The following DAB2IP variants were observed in gnomAD, a reference collection of about 807,000 sequenced individuals.
The protein encoded by DAB2IP is disabled homolog 2-interacting protein.
Under a neutral mutation model 107.2 loss-of-function variants are expected in DAB2IP, and 28 were observed. The ratio of observed to expected loss-of-function variants is 0.26; its 90% confidence interval spans 0.19 to 0.36. The LOEUF (loss-of-function observed/expected upper bound fraction) is 0.36, where lower values mean the gene tolerates loss of function less well. DAB2IP is among the 10% of genes least tolerant of loss of function. DAB2IP has a pLI of 1.00. For synonymous variants in DAB2IP, 755 were observed against 706.4 expected (o/e 1.07, Z -1.09); for missense variants, 1,400 against 1,644.7 (o/e 0.85, Z 2.57).
Position 121,782,854 on chromosome 9 carries a change from C to T in DAB2IP, c.*356C>T. 9.3e-7 allele frequency: 1 copy of T among 1,073,614 alleles called. No individual in the cohort carries two copies. Among genetic ancestry groups the T allele is most frequent in the Non-Finnish European group, 1.1e-6 (1 of 885,650 alleles). 66.5% of individuals were successfully genotyped at this position (1,073,614 alleles called of 1,614,324 possible). On this transcript the variant is annotated 3_prime_UTR_variant, in exon 16 of 16. Coordinates refer to ENST00000408936, the Ensembl canonical transcript of DAB2IP. The surrounding 1 kb of genome is among the most constrained non-coding windows in gnomAD (Gnocchi z 6.1). Reference sequence around the variant, plus strand: ...GGCCGAGTGCATGTGTCCCCCCACACCTGTGCCAGGGAGGGGGCTTCCTGG... The same window carrying T: ...GGCCGAGTGCATGTGTCCCCCCACATCTGTGCCAGGGAGGGGGCTTCCTGG...
chr9:121,783,850 C>G, exon 16 of DAB2IP: 1 of 480,364 alleles, frequency 2.1e-6, no homozygotes, highest in Non-Finnish European at 3.8e-6. Context: ...TGAGCAGGAG[C>G]TTGGGTCTCT....
chr9:121,774,277 C>T (rs1288971295), exon 13 of DAB2IP: 3 of 1,612,014 alleles, frequency 1.9e-6, no homozygotes, highest in East Asian at 2.2e-5. Context: ...CACCTGTGAG[C>T]CCCAATGCCC....
chr9:121,755,782 A>G (rs1396439042), intron 3 of DAB2IP, among the ~76,000 whole-genome samples: 1 of 152,068 alleles, frequency 6.6e-6, no homozygotes, highest in Admixed American at 6.5e-5. Flanking sequence ...CGCAGAAATG[A>G]GTGTACAGGG....
At chr9:121,617,030 G>A (rs920820791) in intron 1 of DAB2IP, among the ~76,000 whole-genome samples, 1 of 152,260 alleles carries the variant, frequency 6.6e-6, no homozygotes, top group East Asian at 1.9e-4. Flanking sequence ...TATCTGTTCC[G>A]TGAATAAAAA....
rs375781647 is a variant in DAB2IP at position 121,759,872 on chromosome 9, C to T, written c.616-13C>T. 212 of 1,605,368 alleles carry T rather than the reference C, an allele frequency of 1.3e-4. No individual in the cohort carries two copies. The highest frequency in any genetic ancestry group is 1.7e-4 in the Non-Finnish European group (199 of 1,174,964). ...CCCCCAGCTGACCACCCTGGACCCC[C>T]GTGCACATACAGGACAACAGCCGGC... On this transcript the variant is annotated splice_polypyrimidine_tract_variant and intron_variant, in intron 5 of 15. Coordinates refer to ENST00000408936, the Ensembl canonical transcript of DAB2IP.
intron 1 of DAB2IP, among the ~76,000 whole-genome samples, chr9:121,598,050 T>A (rs2118944990): frequency 6.6e-6 from 1 of 152,322 alleles, no homozygotes; most frequent in East Asian, 1.9e-4. Context: ...GGCATCAGCA[T>A]CAAGTCGCGC....
At chr9:121,708,216 G>C (rs1283859187) in intron 3 of DAB2IP, among the ~76,000 whole-genome samples, 1 of 152,114 alleles carries the variant, frequency 6.6e-6, no homozygotes, top group Non-Finnish European at 1.5e-5. Flanking sequence ...AGGGCTTTTT[G>C]TTTCCCATTT....
intron 1 of DAB2IP, among the ~76,000 whole-genome samples, chr9:121,657,103 C>T (rs946464429): frequency 3.3e-5 from 5 of 152,342 alleles, no homozygotes; most frequent in South Asian, 4.1e-4. Context: ...GGGACCTCCC[C>T]GGCCTGCCCC....
At chr9:121,784,061 G>C (rs571412712) in exon 16 of DAB2IP, 1 of 171,020 alleles carries the variant, frequency 5.8e-6, no homozygotes, top group East Asian at 1.5e-4. Flanking sequence ...GCCATACTGC[G>C]TCCACCCTGA....
chr9:121,725,707 G>A (rs1442652207), intron 3 of DAB2IP, among the ~76,000 whole-genome samples: 5 of 152,198 alleles, frequency 3.3e-5, no homozygotes, highest in Non-Finnish European at 7.3e-5. Context: ...CAGGGTGAAG[G>A]TGAAGGTTCC....
intron 3 of DAB2IP, among the ~76,000 whole-genome samples, chr9:121,731,083 C>T (rs1444849249): frequency 6.6e-6 from 1 of 152,216 alleles, no homozygotes; most frequent in Non-Finnish European, 1.5e-5. Context: ...TGGTCCAGGC[C>T]CTGCCCTGGA....
intron 1 of DAB2IP, among the ~76,000 whole-genome samples, chr9:121,673,630 G>A (rs1319426193): frequency 2.6e-5 from 4 of 152,164 alleles, no homozygotes; most frequent in Admixed American, 6.5e-5. Flanking sequence ...TGTCTAAGAA[G>A]ACTTTTAAGG....
chr9:121,735,468 T>C (rs990897397), intron 3 of DAB2IP, among the ~76,000 whole-genome samples: 4 of 152,198 alleles, frequency 2.6e-5, no homozygotes, highest in Non-Finnish European at 5.9e-5. Context: ...TCAGTAGTTG[T>C]TTGCTAAAAC....
chr9:121,653,473 T>A (rs1832845610), intron 1 of DAB2IP, among the ~76,000 whole-genome samples: 1 of 152,148 alleles, frequency 6.6e-6, no homozygotes, highest in Admixed American at 6.5e-5. Context: ...TTTGGGCAAG[T>A]CATTTCCCCT....
chr9:121,572,097 G>A (rs1475056654), intron 1 of DAB2IP, among the ~76,000 whole-genome samples: 2 of 152,132 alleles, frequency 1.3e-5, no homozygotes, highest in Non-Finnish European at 2.9e-5. Flanking sequence ...AAAGAAGGGG[G>A]CAAGACAGAG....
exon 7 of DAB2IP, chr9:121,763,515 C>T (rs1421871943): frequency 6.2e-7 from 1 of 1,612,800 alleles, no homozygotes; most frequent in South Asian, 1.1e-5. Context: ...GACTTCCTGA[C>T]AGACCTGATG....
At position 121,781,542 on chromosome 9, in the gene DAB2IP, T is replaced by C; in HGVS notation, c.3393T>C (p.Ile1131=). ...CTGTGGACTCCAAACAGAAGATCAT[T>C]GATGCCCAGGTGGGGGCTCCGGCCC... The change falls in exon 15 of 16, where the codon ATT becomes ATC. Residue 1131 remains isoleucine (I), a synonymous_variant. Transcript: ENST00000408936. 6 of 1,613,916 alleles carry C rather than the reference T, an allele frequency of 3.7e-6. 1 individual carries two copies. In the South Asian group the frequency reaches 6.6e-5, roughly 18 times the overall value.
At chr9:121,718,430 T>C (rs1414713161) in intron 3 of DAB2IP, among the ~76,000 whole-genome samples, 3 of 152,174 alleles carry the variant, frequency 2.0e-5, no homozygotes, top group Non-Finnish European at 4.4e-5. Context: ...TCAAGATCTA[T>C]CTGCAGGGAC....
intron 1 of DAB2IP, among the ~76,000 whole-genome samples, chr9:121,602,995 A>C (rs549893921): frequency 1.7e-4 from 26 of 152,328 alleles, no homozygotes; most frequent in African/African-American, 6.0e-4. Flanking sequence ...GGCATGAGCC[A>C]CTGTACCCAG....
Sources: allele counts gnomAD v4.1 joint callset (sites outside exome capture counted in the v4.1 genomes callset), GRCh38; gene constraint gnomAD v4.1.1; non-coding constraint Gnocchi (gnomAD v3.1); transcripts MANE v1.5; gene names NCBI Gene and HGNC (gene_info 2026-07-23, HGNC 2026-07-21).